Variants in INIP observed in about 807,000 individuals in gnomAD.
INIP encodes the protein INTS3 and NABP interacting protein.
In INIP, 9 loss-of-function variants were observed where a neutral mutation model predicts 14.0. That is an observed-to-expected ratio of 0.64 (90% CI 0.39 to 1.12). The LOEUF (loss-of-function observed/expected upper bound fraction) is 1.12, where lower values mean the gene tolerates loss of function less well. Ranked by LOEUF, INIP falls within the 50% of genes most tolerant of loss-of-function variation. INIP has a pLI of 0.01. For missense variants in INIP, 78 were observed against 122.7 expected, an observed-to-expected ratio of 0.64 and a Z score of 1.72; for synonymous variants, 37 against 41.5, an observed-to-expected ratio of 0.89 and a Z score of 0.41.
At chr9:112,700,477 AT>A (rs1439971187) in intron 2 of INIP, among the ~76,000 whole-genome samples, 3 of 150,236 alleles carry the variant, frequency 2.0e-5, no homozygotes, top group African/African-American at 7.3e-5. Flanking sequence ...TTTCTCTCCC[AT>A]TTTATCAGGG....
intron 2 of INIP, among the ~76,000 whole-genome samples, chr9:112,715,129 TACATACACAC>T (rs1303528638): frequency 1.2e-3 from 118 of 100,996 alleles, no homozygotes; most frequent in African/African-American, 3.7e-3. Flanking sequence ...CATACATACA[TACATACACAC>T]ACACACACAC....
At chr9:112,695,568 T>C (rs1838052409) in intron 2 of INIP, among the ~76,000 whole-genome samples, 1 of 152,090 alleles carries the variant, frequency 6.6e-6, no homozygotes, top group African/African-American at 2.4e-5. Context: ...AATCAGGCAT[T>C]AGCATACTGT....
intron 2 of INIP, among the ~76,000 whole-genome samples, chr9:112,708,455 A>ATT (rs1838550680): frequency 6.6e-6 from 1 of 152,190 alleles, no homozygotes; most frequent in Non-Finnish European, 1.5e-5. Flanking sequence ...TCCAATAGCT[A>ATT]TTTAGGAAGT....
chr9:112,696,212 G>C (rs1174988484), intron 2 of INIP, among the ~76,000 whole-genome samples: 2 of 152,054 alleles, frequency 1.3e-5, no homozygotes, highest in Non-Finnish European at 2.9e-5. Context: ...TTTCTGAAGA[G>C]AGTTTTCTAA....
chr9:112,713,194 G>A (rs1158920329), intron 2 of INIP, among the ~76,000 whole-genome samples: 1 of 152,150 alleles, frequency 6.6e-6, no homozygotes, highest in Admixed American at 6.5e-5. Flanking sequence ...TGGCCAATAA[G>A]TACAACGAAA....
At position 112,695,256 on chromosome 9, in the gene INIP, A is replaced by G. The variant is rs79909500; in HGVS notation, c.26-1023T>C. ...AAAGGACTGGAAAACAGAACTACAG[A>G]AAAAAAAAAAAAAAAAAAGATAAGG... On this transcript the variant is annotated intron_variant, in intron 2 of 4. Transcript: ENST00000374242. 6.5e-3 allele frequency among the ~76,000 whole-genome samples: 525 copies of G among 80,268 alleles called. 3 individuals carry two copies. Among genetic ancestry groups the G allele is most frequent in the Admixed American group, 0.019 (140 of 7,220 alleles). The allele number at this position is 80,268 out of a possible 152,430, so 52.7% of individuals were successfully genotyped here. A position where few individuals can be genotyped will look rare whatever the true frequency, so the allele number is the denominator to read the frequency against.
chr9:112,694,081 AAAC>A, intron 3 of INIP, 47 bp downstream of exon 3: 3 of 1,275,240 alleles, frequency 2.4e-6, no homozygotes, highest in Non-Finnish European at 3.3e-6. Flanking sequence ...TCTCAAAACA[AAAC>A]AAAACAAAAC....
intron 4 of INIP, among the ~76,000 whole-genome samples, chr9:112,688,544 G>GC (rs2131278415): frequency 6.6e-6 from 1 of 152,112 alleles, no homozygotes; most frequent in South Asian, 2.1e-4. Flanking sequence ...GGAGGGCTGG[G>GC]CAATGGTGGC....
chr9:112,687,438 G>C lies in INIP; in HGVS notation c.*100C>G. On this transcript the variant is annotated 3_prime_UTR_variant, in exon 5 of 5. Coordinates refer to ENST00000374242, the MANE Select transcript of INIP (RefSeq NM_021218.3). ...TTTCAGACAAACAAAAAATATCAAA[G>C]TTCACCAAAATTCTTAAAGTCACAG... 1.4e-6 allele frequency: 1 copy of C among 689,814 alleles called. No individual in the cohort carries two copies. Among genetic ancestry groups the C allele is most frequent in the Admixed American group, 2.3e-5 (1 of 43,272 alleles). The allele number at this position is 689,814 out of a possible 1,614,324, so 42.7% of individuals were successfully genotyped here. A position where few individuals can be genotyped will look rare whatever the true frequency, so the allele number is the denominator to read the frequency against.
intron 2 of INIP, among the ~76,000 whole-genome samples, chr9:112,715,125 TACATACATACACAC>T (rs1198358881): frequency 4.7e-5 from 5 of 106,318 alleles, no homozygotes; most frequent in African/African-American, 1.5e-4. Flanking sequence ...CACACATACA[TACATACATACACAC>T]ACACACACAC....
intron 2 of INIP, among the ~76,000 whole-genome samples, chr9:112,711,319 AC>A (rs1324784936): frequency 1.3e-5 from 2 of 152,188 alleles, no homozygotes; most frequent in Non-Finnish European, 2.9e-5. Context: ...CATGACATCA[AC>A]AAAAATCCCT....
intron 2 of INIP, among the ~76,000 whole-genome samples, chr9:112,715,946 A>C (rs1183948710): frequency 6.6e-6 from 1 of 152,196 alleles, no homozygotes; most frequent in Non-Finnish European, 1.5e-5. Flanking sequence ...TAGGCGATTG[A>C]AATTTTTCAG....
At chr9:112,707,167 G>A (rs575116526) in intron 2 of INIP, among the ~76,000 whole-genome samples, 3 of 151,244 alleles carry the variant, frequency 2.0e-5, no homozygotes, top group Non-Finnish European at 2.9e-5. Flanking sequence ...TCGAACTCCC[G>A]ACCTCAGGTG....
At position 112,684,884 on chromosome 9, in the gene INIP, C is replaced by T. The variant is rs1261513603; in HGVS notation, c.*2654G>A. 6 of 152,370 alleles carry T rather than the reference C, an allele frequency of 3.9e-5. No homozygotes were observed. In the East Asian group the frequency reaches 5.8e-4, roughly 15 times the overall value. 9.4% of individuals were successfully genotyped at this position (152,370 alleles called of 1,614,324 possible). ...ATCTGAGGGAAGCAATGCTGACCTCCACCTGAGGGCTTCCCAGTCCACTGC... is the reference window on the plus strand; with the variant it reads ...ATCTGAGGGAAGCAATGCTGACCTCTACCTGAGGGCTTCCCAGTCCACTGC... On this transcript the variant is annotated 3_prime_UTR_variant, in exon 5 of 5. Transcript: ENST00000374242.
chr9:112,686,534 T>G lies in INIP; in HGVS notation c.*1004A>C, dbSNP rs531503176. ...TTTTCTTTGAGACAAAGACTCACTG[T>G]CACCCAGGCTGGAGTGCAGTGACAC... is the stretch of plus-strand genomic sequence containing the variant. On this transcript the variant is annotated 3_prime_UTR_variant, in exon 5 of 5. Coordinates refer to ENST00000374242, the MANE Select transcript of INIP (RefSeq NM_021218.3). The G allele has an allele frequency of 2.6e-5, 4 of 152,350 alleles. No homozygotes were observed. The highest frequency in any genetic ancestry group is 2.6e-4 in the Admixed American group (4 of 15,300). The allele number at this position is 152,350 out of a possible 1,614,324, so 9.4% of individuals were successfully genotyped here.
intron 2 of INIP, among the ~76,000 whole-genome samples, chr9:112,701,105 C>G (rs947707862): frequency 6.6e-6 from 1 of 152,066 alleles, no homozygotes. Context: ...ATGGGCAGTT[C>G]GAGACCAGCC....
At chr9:112,702,301 T>C (rs553073970) in intron 2 of INIP, among the ~76,000 whole-genome samples, 2 of 152,118 alleles carry the variant, frequency 1.3e-5, no homozygotes, top group African/African-American at 4.8e-5. Flanking sequence ...CAGCCAACAA[T>C]GGAAAAAGCA....
At chr9:112,717,644 G>T (rs916159722) in intron 1 of INIP, among the ~76,000 whole-genome samples, 1 of 152,224 alleles carries the variant, frequency 6.6e-6, no homozygotes, top group Non-Finnish European at 1.5e-5. Context: ...GCCCGGGAAA[G>T]ACACAAGGGA....
intron 2 of INIP, among the ~76,000 whole-genome samples, chr9:112,697,719 G>A (rs1838142974): frequency 6.6e-6 from 1 of 152,092 alleles, no homozygotes; most frequent in Non-Finnish European, 1.5e-5. Flanking sequence ...ATTATATCAT[G>A]GTATCACAAC....
Sources: gnomAD v4.1 joint callset for allele counts (sites outside exome capture counted in the v4.1 genomes callset) on GRCh38, gnomAD v4.1.1 for gene constraint, MANE v1.5 for transcripts, NCBI Gene and HGNC (gene_info 2026-07-23, HGNC 2026-07-21) for gene names.